Variants in IQCJ observed in about 807,000 individuals in gnomAD.
The protein encoded by IQCJ is IQ domain-containing protein J.
Under a neutral mutation model 11.0 loss-of-function variants are expected in IQCJ, and 9 were observed. The ratio of observed to expected loss-of-function variants is 0.82; its 90% CI spans 0.49 to 1.43. IQCJ has a LOEUF of 1.43. IQCJ is among the 40% of genes most tolerant of loss of function. The pLI is 0.00. For missense variants in IQCJ, 146 were observed against 133.2 expected (o/e 1.10, Z -0.47); for synonymous variants, 55 against 51.3 (o/e 1.07, Z -0.31).
At chr3:159,174,620 G>A (rs949501453) in intron 1 of IQCJ, among the ~76,000 whole-genome samples, 4 of 151,768 alleles carry the variant, frequency 2.6e-5, no homozygotes, top group Admixed American at 6.6e-5. Context: ...AATCTCTAAC[G>A]AAATCAAGAA....
intron 1 of IQCJ, among the ~76,000 whole-genome samples, chr3:159,224,423 A>G (rs1269295571): frequency 1.3e-5 from 2 of 152,210 alleles, no homozygotes; most frequent in Non-Finnish European, 2.9e-5. Flanking sequence ...GGTAAAAGAA[A>G]ATAAGATTTG....
chr3:159,075,714 C>T (rs1342085756), intron 1 of IQCJ, among the ~76,000 whole-genome samples: 1 of 152,038 alleles, frequency 6.6e-6, no homozygotes, highest in Non-Finnish European at 1.5e-5. Context: ...TGTGCTCTAA[C>T]TCAAAACTTT....
intron 1 of IQCJ, among the ~76,000 whole-genome samples, chr3:159,120,636 T>C (rs1341750800): frequency 1.3e-5 from 2 of 152,224 alleles, no homozygotes; most frequent in African/African-American, 2.4e-5. Flanking sequence ...AGAGACTGTC[T>C]TCCTGCCAGT....
chr3:159,195,595 C>A (rs1180730200), intron 1 of IQCJ, among the ~76,000 whole-genome samples: 2 of 152,196 alleles, frequency 1.3e-5, no homozygotes, highest in African/African-American at 4.8e-5. Flanking sequence ...GTACCTTACT[C>A]TTCTGTTGTA....
chr3:159,105,472 A>G (rs1050647269), intron 1 of IQCJ, among the ~76,000 whole-genome samples: 12 of 152,242 alleles, frequency 7.9e-5, no homozygotes, highest in African/African-American at 2.6e-4. Context: ...GGTAGGGGTA[A>G]CCAGCAAAAT....
chr3:159,200,104 A>AATAAATATATATAT lies in IQCJ; in HGVS notation c.10-45736_10-45735insAATATATATATATA, dbSNP rs1553787480. On this transcript the variant is annotated intron_variant, in intron 1 of 3. Transcript: ENST00000397832. ...ATATGTATGTATGTGTTTATACATAAATATATATATATATATCACTTTGAA... is the reference window on the plus strand; with the variant it reads ...ATATGTATGTATGTGTTTATACATAAATAAATATATATATATATATATATATATATCACTTTGAA... 4.1e-3 allele frequency among the ~76,000 whole-genome samples: 483 copies of AATAAATATATATAT among 116,950 alleles called. 38 individuals carry two copies. The highest frequency in any genetic ancestry group is 0.018 in the African/African-American group (465 of 26,392). The allele number at this position is 116,950 out of a possible 152,430, so 76.7% of individuals were successfully genotyped here. A position where few individuals can be genotyped will look rare whatever the true frequency, so the allele number is the denominator to read the frequency against.
intron 1 of IQCJ, among the ~76,000 whole-genome samples, chr3:159,115,625 C>G (rs1295911115): frequency 6.6e-6 from 1 of 152,178 alleles, no homozygotes; most frequent in Non-Finnish European, 1.5e-5. Context: ...ACATAGCTAG[C>G]TCTTTGTCTT....
intron 1 of IQCJ, among the ~76,000 whole-genome samples, chr3:159,234,483 G>A (rs1409697984): frequency 1.3e-5 from 2 of 152,152 alleles, no homozygotes; most frequent in African/African-American, 2.4e-5. Flanking sequence ...TAAGTTAGCA[G>A]TAGTGTTTAT....
At chr3:159,265,634 G>T, downstream of IQCJ, 1 of 415,290 alleles carries the variant, frequency 2.4e-6, no homozygotes, top group Non-Finnish European at 4.4e-6. Context: ...CTCTTTCTCT[G>T]GGTTTAATCT....
At position 159,140,077 on chromosome 3, in the gene IQCJ, C is replaced by A. The variant is rs376551613; in HGVS notation, c.9+70636C>A. Among the ~76,000 whole-genome samples the A allele has an allele frequency of 3.7e-4, 56 of 152,174 alleles. No individual in the cohort carries two copies. In the East Asian group the frequency reaches 6.0e-3, roughly 16 times the overall value. On this transcript the variant is annotated intron_variant, in intron 1 of 3. Transcript: ENST00000397832. Reference sequence around the variant, plus strand: ...AGTTCCCATGTTCCCCCTGTTCACCCCCATGTGTAGCCCATTATCAACATC... The same window carrying A: ...AGTTCCCATGTTCCCCCTGTTCACCACCATGTGTAGCCCATTATCAACATC...
chr3:159,214,103 G>A (rs191580107), intron 1 of IQCJ, among the ~76,000 whole-genome samples: 1 of 152,084 alleles, frequency 6.6e-6, no homozygotes, highest in East Asian at 1.9e-4. Context: ...CTTCCCCTAA[G>A]TTGCAGACCT....
chr3:159,180,592 A>G (rs979306515), intron 1 of IQCJ, among the ~76,000 whole-genome samples: 2 of 151,840 alleles, frequency 1.3e-5, no homozygotes, highest in African/African-American at 4.9e-5. Context: ...ATGGAGAGAG[A>G]TAGGGCAGGA....
Position 159,069,578 on chromosome 3 carries a change from T to C in IQCJ, c.9+137T>C. 5 of 1,249,266 alleles carry C rather than the reference T, an allele frequency of 4.0e-6. 1 individual carries two copies. In the South Asian group the frequency reaches 8.1e-5, roughly 20 times the overall value. The allele number at this position is 1,249,266 out of a possible 1,614,324, so 77.4% of individuals were successfully genotyped here. A position where few individuals can be genotyped will look rare whatever the true frequency, so the allele number is the denominator to read the frequency against. On this transcript the variant is annotated intron_variant, in intron 1 of 3. Transcript: ENST00000397832. ...AAGAGCTTATAGAACAGTGTGGGCT[T>C]AATTATTGGTCTAGGTGCGTGTGCA...
intron 1 of IQCJ, among the ~76,000 whole-genome samples, chr3:159,165,127 G>A (rs1722092468): frequency 6.6e-6 from 1 of 152,234 alleles, no homozygotes; most frequent in African/African-American, 2.4e-5. Flanking sequence ...TGAAATGGAT[G>A]TAGGCCTGTA....
At chr3:159,145,035 A>T (rs1720845448) in intron 1 of IQCJ, among the ~76,000 whole-genome samples, 1 of 152,290 alleles carries the variant, frequency 6.6e-6, no homozygotes, top group South Asian at 2.1e-4. Context: ...GCTTGAAGCA[A>T]TGAGATCACC....
At chr3:159,105,239 CTGTA>C (rs1718178855) in intron 1 of IQCJ, among the ~76,000 whole-genome samples, 1 of 152,148 alleles carries the variant, frequency 6.6e-6, no homozygotes, top group African/African-American at 2.4e-5. Context: ...TTATCTGACT[CTGTA>C]TGGTCATATT....
intron 1 of IQCJ, among the ~76,000 whole-genome samples, chr3:159,118,084 AC>A (rs765122061): frequency 6.6e-6 from 1 of 152,226 alleles, no homozygotes; most frequent in African/African-American, 2.4e-5. Flanking sequence ...AAGTGTATTA[AC>A]TTTTTCCTGA....
chr3:159,115,780 G>T (rs1425290053), intron 1 of IQCJ, among the ~76,000 whole-genome samples: 1 of 152,086 alleles, frequency 6.6e-6, no homozygotes, highest in Non-Finnish European at 1.5e-5. Context: ...TTAAAAAATA[G>T]CCGGCATTCT....
At chr3:159,232,428 G>C (rs1438714087) in intron 1 of IQCJ, among the ~76,000 whole-genome samples, 1 of 143,214 alleles carries the variant, frequency 7.0e-6, no homozygotes, top group Non-Finnish European at 1.5e-5. Context: ...CAGTTTCCGT[G>C]TAGTGCCGTT....
Sources: allele counts gnomAD v4.1 joint callset (sites outside exome capture counted in the v4.1 genomes callset), GRCh38; gene constraint gnomAD v4.1.1; transcripts MANE v1.5; gene names NCBI Gene and HGNC (gene_info 2026-07-23, HGNC 2026-07-21).